The following PRKN variants were observed in gnomAD, a reference collection of about 807,000 sequenced individuals.
PRKN encodes parkin RBR E3 ubiquitin protein ligase, also known as E3 ubiquitin-protein ligase parkin.
PRKN carries 56 observed loss-of-function variants against 59.5 expected under a neutral mutation model. That is an observed-to-expected ratio of 0.94 (90% CI 0.76 to 1.18). The LOEUF is 1.18. Among genes scored for constraint, PRKN ranks in the 50% most tolerant of loss-of-function variants. The pLI is 0.00. For missense variants in PRKN, 657 were observed against 596.4 expected, an observed-to-expected ratio of 1.10 and a Z score of -1.06; for synonymous variants, 250 against 222.1, an observed-to-expected ratio of 1.13 and a Z score of -1.12.
Position 162,350,221 on chromosome 6 carries a change from G to A in PRKN, c.172-87456C>T, listed in dbSNP as rs75302717. 3.7e-3 allele frequency among the ~76,000 whole-genome samples: 558 copies of A among 152,140 alleles called. 5 individuals are homozygous for A. Among genetic ancestry groups the A allele is most frequent in the African/African-American group, 0.012 (513 of 41,514 alleles). On this transcript the variant is annotated intron_variant, in intron 2 of 11. Coordinates refer to ENST00000366898, the MANE Select transcript of PRKN (RefSeq NM_004562.3). Reference sequence around the variant, plus strand: ...AATAAAGTAGCCTCAAGTAAATGAAGTATGTTATGTTACAGGTTAGAAGAC... The same window carrying A: ...AATAAAGTAGCCTCAAGTAAATGAAATATGTTATGTTACAGGTTAGAAGAC...
At chr6:161,733,782 AAAT>A (rs1265934534) in intron 7 of PRKN, among the ~76,000 whole-genome samples, 1 of 79,894 alleles carries the variant, frequency 1.3e-5, no homozygotes, top group Non-Finnish European at 2.1e-5. Flanking sequence ...AAAAAAAAAA[AAAT>A]ATATATATAT....
chr6:161,802,610 A>G (rs1791135295), intron 6 of PRKN, among the ~76,000 whole-genome samples: 1 of 152,018 alleles, frequency 6.6e-6, no homozygotes, highest in South Asian at 2.1e-4. Flanking sequence ...AGCTCTTCCA[A>G]TGTCTCCTTT....
intron 4 of PRKN, among the ~76,000 whole-genome samples, chr6:162,197,101 T>C (rs1322675209): frequency 6.6e-6 from 1 of 152,182 alleles, no homozygotes; most frequent in Non-Finnish European, 1.5e-5. Context: ...CAAGATCCTA[T>C]ATTGTATTTT....
intron 1 of PRKN, among the ~76,000 whole-genome samples, chr6:162,487,213 T>C (rs1488681194): frequency 1.3e-5 from 2 of 152,242 alleles, no homozygotes; most frequent in Non-Finnish European, 2.9e-5. Flanking sequence ...TAAAGGGTTA[T>C]TCCTGGGGTC....
At chr6:162,117,580 A>C (rs1303003805) in intron 4 of PRKN, among the ~76,000 whole-genome samples, 3 of 152,204 alleles carry the variant, frequency 2.0e-5, no homozygotes, top group Admixed American at 1.3e-4. Context: ...TGCTCTGACC[A>C]GCTCTTGAGA....
At chr6:161,491,348 G>A (rs1777548217) in intron 9 of PRKN, among the ~76,000 whole-genome samples, 1 of 152,166 alleles carries the variant, frequency 6.6e-6, no homozygotes, top group South Asian at 2.1e-4. Context: ...GAGCGTGAGA[G>A]GGCGTTGATG....
rs1003052188 is a variant in PRKN at position 161,498,408 on chromosome 6, A to G, written c.1083+50446T>C. ...TGGTTTGGAATTCAAGCCTCCTCCC[A>G]ACACACCACATGACCCCGCCGTGCC... On this transcript the variant is annotated intron_variant, in intron 9 of 11. Transcript: ENST00000366898. This position sits in a 1 kb window ranked among gnomAD's most constrained non-coding sequence, Gnocchi z 4.2. 2.6e-5 allele frequency among the ~76,000 whole-genome samples: 4 copies of G among 152,174 alleles called. No homozygotes were observed. The highest frequency in any genetic ancestry group is 9.7e-5 in the African/African-American group (4 of 41,442).
intron 4 of PRKN, among the ~76,000 whole-genome samples, chr6:162,195,137 A>G (rs1434604824): frequency 1.3e-5 from 2 of 152,236 alleles, no homozygotes; most frequent in African/African-American, 4.8e-5. Flanking sequence ...GATGCAAAAC[A>G]GAATGCATGG....
In PRKN at chr6:162,379,568, C is replaced by T. The variant is rs146055591; in HGVS notation, c.171+63742G>A. ...GGCTAATCCCCTTAACTCTCCTCTC[C>T]AGTATCATTCTGATCCCATCCGACA... On this transcript the variant is annotated intron_variant, in intron 2 of 11. Transcript: ENST00000366898. Among the ~76,000 whole-genome samples, 839 of 152,256 alleles carry T rather than the reference C, an allele frequency of 5.5e-3. 11 individuals are homozygous for T. The highest frequency in any genetic ancestry group is 0.019 in the African/African-American group (783 of 41,542).
In PRKN at chr6:161,571,633, T is replaced by C. The variant is rs115479943; in HGVS notation, c.872-2217A>G. On this transcript the variant is annotated intron_variant, in intron 7 of 11. Coordinates refer to ENST00000366898, the MANE Select transcript of PRKN (RefSeq NM_004562.3). ...TCAACACATGCTAAATGAATACTTATGTAGGATATTTTAGAGAGGAATTTT... is the reference window on the plus strand; with the variant it reads ...TCAACACATGCTAAATGAATACTTACGTAGGATATTTTAGAGAGGAATTTT... Among the ~76,000 whole-genome samples, 650 of 152,356 alleles carry C rather than the reference T, an allele frequency of 4.3e-3. 5 individuals are homozygous for C. Among genetic ancestry groups the C allele is most frequent in the African/African-American group, 0.015 (619 of 41,580 alleles).
intron 2 of PRKN, among the ~76,000 whole-genome samples, chr6:162,398,877 G>A (rs569328360): frequency 5.7e-4 from 87 of 152,230 alleles, no homozygotes; most frequent in Middle Eastern, 6.8e-3. Context: ...ATTTTCTAAT[G>A]GGCAATCTTT....
chr6:161,535,366 AAG>A (rs1279180760), intron 9 of PRKN, among the ~76,000 whole-genome samples: 1 of 152,168 alleles, frequency 6.6e-6, no homozygotes, highest in Non-Finnish European at 1.5e-5. Flanking sequence ...AGAAATAAAA[AAG>A]AAGTAGTTTC....
At chr6:161,974,251 G>A (rs541611492) in intron 5 of PRKN, among the ~76,000 whole-genome samples, 12 of 152,152 alleles carry the variant, frequency 7.9e-5, no homozygotes, top group Non-Finnish European at 1.3e-4. Context: ...CTAAATTCCA[G>A]CCGAGAGTTT....
intron 6 of PRKN, among the ~76,000 whole-genome samples, chr6:161,959,804 G>C (rs923113121): frequency 1.6e-4 from 24 of 152,100 alleles, no homozygotes; most frequent in African/African-American, 5.8e-4. Flanking sequence ...TTCAAAGTGT[G>C]TTCACAGAAA....
intron 1 of PRKN, among the ~76,000 whole-genome samples, chr6:162,683,179 C>CT (rs1465640265): frequency 3.3e-5 from 5 of 152,106 alleles, no homozygotes; most frequent in African/African-American, 1.2e-4. Context: ...GCGGGGAGGA[C>CT]TTTATCTTAT....
rs568973360 is a variant in PRKN at position 162,288,366 on chromosome 6, C to CG, written c.172-25602dup. Among the ~76,000 whole-genome samples, 286 of 152,200 alleles carry CG rather than the reference C, an allele frequency of 1.9e-3. 1 individual carries two copies. Among genetic ancestry groups the CG allele is most frequent in the Admixed American group, 3.5e-3 (54 of 15,288 alleles). ...ATCTGTGACTATGAAGAATGCCACC[C>CG]GTGTGATTAGGTTACACTATAGGGC... On this transcript the variant is annotated intron_variant, in intron 2 of 11. Transcript: ENST00000366898.
intron 7 of PRKN, among the ~76,000 whole-genome samples, chr6:161,630,495 G>T (rs36088355): frequency 0.23 from 35,397 of 152,104 alleles, 4,506 homozygotes; most frequent in Middle Eastern, 0.36. Flanking sequence ...TTAATTTAAT[G>T]AGTTTCCAAA....
rs1784449011 is a variant in PRKN at position 161,349,907 on chromosome 6, T to C, written c.*192A>G. ...TTCTGTAATTTTACTCTGCTGTTTT[T>C]CATGGACATAGTGAAAGGGATCCAG... On this transcript the variant is annotated 3_prime_UTR_variant, in exon 12 of 12. Coordinates refer to ENST00000366898, the MANE Select transcript of PRKN (RefSeq NM_004562.3). The surrounding 1 kb of genome is among the most constrained non-coding windows in gnomAD (Gnocchi z 5.5). 9.5e-6 allele frequency: 6 copies of C among 632,940 alleles called. No homozygotes were observed. The highest frequency in any genetic ancestry group is 1.8e-5 in the African/African-American group (1 of 55,404). The allele number at this position is 632,940 out of a possible 1,614,324, so 39.2% of individuals were successfully genotyped here. A position where few individuals can be genotyped will look rare whatever the true frequency, so the allele number is the denominator to read the frequency against.
chr6:162,335,904 C>G (rs573608399), intron 2 of PRKN, among the ~76,000 whole-genome samples: 9 of 151,578 alleles, frequency 5.9e-5, no homozygotes, highest in African/African-American at 1.9e-4. Flanking sequence ...AAACAGGAAA[C>G]GTCCTGGGTA....
Sources: allele counts gnomAD v4.1 joint callset (sites outside exome capture counted in the v4.1 genomes callset), GRCh38; gene constraint gnomAD v4.1.1; non-coding constraint Gnocchi (gnomAD v3.1); transcripts MANE v1.5; gene names NCBI Gene and HGNC (gene_info 2026-07-23, HGNC 2026-07-21).